Variants in ERG observed in about 807,000 individuals in gnomAD.
ERG encodes transcriptional regulator ERG.
A neutral mutation model predicts 55.3 loss-of-function variants in ERG; 9 were observed. The ratio of observed to expected loss-of-function variants is 0.16; its 90% confidence interval spans 0.10 to 0.28. The LOEUF (loss-of-function observed/expected upper bound fraction) is 0.28, where lower values mean the gene tolerates loss of function less well. ERG is among the 10% of genes least tolerant of loss of function. The pLI, the probability that ERG is intolerant of heterozygous loss-of-function variation, is 1.00. For missense variants in ERG, 434 were observed against 631.6 expected, an observed-to-expected ratio of 0.69 and a Z score of 3.35; for synonymous variants, 223 against 237.3, an observed-to-expected ratio of 0.94 and a Z score of 0.55.
chr21:38,640,941 A>G (rs2146970161), intron 1 of ERG, among the ~76,000 whole-genome samples: 1 of 152,352 alleles, frequency 6.6e-6, no homozygotes, highest in Admixed American at 6.5e-5. Flanking sequence ...TGACTTTTAC[A>G]ACTATGTATT....
chr21:38,400,747 G>C, intron 5 of ERG, 102 bp from the exon 6 acceptor site: 1 of 845,788 alleles, frequency 1.2e-6, no homozygotes, highest in Admixed American at 2.3e-5. Context: ...ACAAAGGGAA[G>C]AGACCTCCTC....
intron 3 of ERG, among the ~76,000 whole-genome samples, chr21:38,416,581 A>C (rs2836379): frequency 0.13 from 20,516 of 152,198 alleles, 1,433 homozygotes; most frequent in African/African-American, 0.16. Context: ...CCTAATTTCC[A>C]TTTGATAAGT....
rs545218592 is a variant in ERG at position 38,390,118 on chromosome 21, A to C, written c.919+877T>G. Among the ~76,000 whole-genome samples, 289 of 152,358 alleles carry C rather than the reference A, an allele frequency of 1.9e-3. 1 individual carries two copies. The highest frequency in any genetic ancestry group is 3.5e-3 in the Non-Finnish European group (241 of 68,042). On this transcript the variant is annotated intron_variant, in intron 9 of 9. Transcript: ENST00000288319. ...TGCAGCATAGGCTATGAATTTCTGAAGCTGGTGCCAGCACAGCTGGTTCTG... is the reference window on the plus strand; with the variant it reads ...TGCAGCATAGGCTATGAATTTCTGACGCTGGTGCCAGCACAGCTGGTTCTG...
chr21:38,598,967 G>C (rs1337391022), intron 1 of ERG, among the ~76,000 whole-genome samples: 1 of 152,206 alleles, frequency 6.6e-6, no homozygotes, highest in East Asian at 1.9e-4. Flanking sequence ...AGGAAAGGGG[G>C]ACATAGGCAG....
chr21:38,546,228 A>G (rs2059786851), intron 2 of ERG, among the ~76,000 whole-genome samples: 1 of 152,174 alleles, frequency 6.6e-6, no homozygotes, highest in African/African-American at 2.4e-5. Context: ...TGAAGTTTTT[A>G]CTTTTTTCTA....
chr21:38,374,762 C>T, the ERG span, among the ~76,000 whole-genome samples: 45 of 152,208 alleles, frequency 3.0e-4, no homozygotes, highest in Non-Finnish European at 5.0e-4. Flanking sequence ...GCCCCAAGCC[C>T]CACTCCTCAG....
intron 2 of ERG, among the ~76,000 whole-genome samples, chr21:38,510,184 A>G (rs2059500524): frequency 6.6e-6 from 1 of 152,240 alleles, no homozygotes; most frequent in Admixed American, 6.5e-5. Flanking sequence ...AAAGAAGTCA[A>G]GTTATCATAA....
intron 1 of ERG, among the ~76,000 whole-genome samples, chr21:38,624,258 T>C (rs952616721): frequency 2.9e-4 from 35 of 121,554 alleles, no homozygotes; most frequent in African/African-American, 1.1e-3. Context: ...TAAACTCTCC[T>C]CCCTGGGAAC....
intron 2 of ERG, among the ~76,000 whole-genome samples, chr21:38,440,169 C>T (rs1258439338): frequency 1.3e-5 from 2 of 152,206 alleles, no homozygotes; most frequent in Non-Finnish European, 2.9e-5. Context: ...TATGCATAAG[C>T]TAAGAGGAGG....
chr21:38,658,724 T>A (rs971475359), intron 1 of ERG, among the ~76,000 whole-genome samples: 5 of 152,358 alleles, frequency 3.3e-5, no homozygotes, highest in African/African-American at 1.2e-4. Flanking sequence ...ATGCTTTCCT[T>A]CTTACTTATG....
chr21:38,391,636 T>G (rs773713965), intron 8 of ERG, 23 bp downstream of exon 8: 2 of 1,596,914 alleles, frequency 1.3e-6, no homozygotes, highest in South Asian at 2.2e-5. Context: ...CTTATGGTTA[T>G]CCAGACGGCC....
chr21:38,647,014 C>A (rs1478926354), intron 1 of ERG, among the ~76,000 whole-genome samples: 2 of 152,178 alleles, frequency 1.3e-5, no homozygotes, highest in Non-Finnish European at 2.9e-5. Flanking sequence ...TCTCTCTAGG[C>A]TACTGGTTTT....
chr21:38,424,991 C>A (rs1166286157), intron 2 of ERG, among the ~76,000 whole-genome samples: 2 of 152,162 alleles, frequency 1.3e-5, no homozygotes, highest in East Asian at 1.9e-4. Context: ...GTCAAACCTA[C>A]CTTTCTGGAA....
intron 2 of ERG, among the ~76,000 whole-genome samples, chr21:38,541,309 A>C (rs1027449805): frequency 5.9e-5 from 9 of 152,184 alleles, no homozygotes; most frequent in Non-Finnish European, 1.3e-4. Flanking sequence ...CTGAGCAAAA[A>C]TCCCCTCAAT....
intron 2 of ERG, among the ~76,000 whole-genome samples, chr21:38,550,274 C>T (rs2059815771): frequency 6.6e-6 from 1 of 152,142 alleles, no homozygotes; most frequent in Non-Finnish European, 1.5e-5. Flanking sequence ...GCTGGGGTGG[C>T]CACTGAGACC....
chr21:38,459,535 C>G (rs1387676442), intron 1 of ERG, among the ~76,000 whole-genome samples: 2 of 152,200 alleles, frequency 1.3e-5, no homozygotes, highest in Non-Finnish European at 2.9e-5. Flanking sequence ...CACTGACAAC[C>G]TGAAGTTAAC....
rs368384525 is a variant in ERG, at chr21:38,535,162, C to T, written c.-41+40500G>A. Among the ~76,000 whole-genome samples the T allele has an allele frequency of 3.0e-4, 46 of 151,946 alleles. 1 individual carries two copies. The highest frequency in any genetic ancestry group is 9.9e-4 in the African/African-American group (41 of 41,446). On this transcript the variant is annotated intron_variant, in intron 2 of 8. Coordinates refer to the ERG transcript ENST00000398897. ...GATGAATCTTAAGGACATTATGCTG[C>T]GTGAAATAAACCAGTCACAAAAAGA...
At chr21:38,438,077 C>T (rs2058807676) in intron 2 of ERG, among the ~76,000 whole-genome samples, 1 of 152,216 alleles carries the variant, frequency 6.6e-6, no homozygotes, top group South Asian at 2.1e-4. Flanking sequence ...TGTCCTCGAA[C>T]ACCTCAAGCT....
In ERG at chr21:38,450,114, G is replaced by A. The variant is rs191631038; in HGVS notation, c.19-4493C>T. On this transcript the variant is annotated intron_variant, in intron 1 of 9. Transcript: ENST00000288319. The stretch of plus-strand genomic sequence containing the variant: ...CTTAAAAAAAAAAAAATCTTGGTTC[G>A]GGCATGGTGGCTCACCCCTGTAATC... Among the ~76,000 whole-genome samples the A allele has an allele frequency of 3.4e-3, 521 of 151,920 alleles. 1 individual carries two copies. The highest frequency in any genetic ancestry group is 0.012 in the African/African-American group (496 of 41,428).
Sources: gnomAD v4.1 joint callset for allele counts (sites outside exome capture counted in the v4.1 genomes callset) on GRCh38, gnomAD v4.1.1 for gene constraint, MANE v1.5 for transcripts, NCBI Gene and HGNC (gene_info 2026-07-23, HGNC 2026-07-21) for gene names.